Variants in LRP1B observed in about 807,000 individuals in gnomAD.
The protein encoded by LRP1B is low-density lipoprotein receptor-related protein 1B.
Under a neutral mutation model 556.6 loss-of-function variants are expected in LRP1B, and 217 were observed. The observed-to-expected ratio is 0.39, with a 90% CI of 0.35 to 0.44. LRP1B has a LOEUF of 0.44. LRP1B is among the 20% of genes least tolerant of loss of function. The pLI, the probability that LRP1B is intolerant of heterozygous loss-of-function variation, is 1.00. For synonymous variants in LRP1B, 2,047 were observed against 1,865.8 expected (o/e 1.10, Z -2.50); for missense variants, 5,053 against 5,620.8 (o/e 0.90, Z 3.23).
chr2:142,059,943 C>T (rs989493271), intron 1 of LRP1B, among the ~76,000 whole-genome samples: 7 of 151,992 alleles, frequency 4.6e-5, no homozygotes, highest in Non-Finnish European at 1.0e-4. Flanking sequence ...AATGCCTTAA[C>T]CACATTTATA....
intron 5 of LRP1B, among the ~76,000 whole-genome samples, chr2:141,246,415 T>C (rs1684071149): frequency 6.6e-6 from 1 of 152,218 alleles, no homozygotes; most frequent in Non-Finnish European, 1.5e-5. Flanking sequence ...CATTAGGCCC[T>C]TAGAGATCCT....
intron 1 of LRP1B, among the ~76,000 whole-genome samples, chr2:141,812,137 T>C (rs774049298): frequency 3.3e-5 from 5 of 152,138 alleles, no homozygotes; most frequent in Non-Finnish European, 5.9e-5. Context: ...TATTTATAAG[T>C]ATGCTTGAAT....
chr2:141,946,060 G>A (rs1257561308), intron 1 of LRP1B, among the ~76,000 whole-genome samples: 1 of 152,014 alleles, frequency 6.6e-6, no homozygotes, highest in Non-Finnish European at 1.5e-5. Flanking sequence ...CAACGAGAGA[G>A]CACGTAGGGG....
intron 7 of LRP1B, among the ~76,000 whole-genome samples, chr2:141,132,182 G>T (rs564951297): frequency 1.3e-5 from 2 of 152,094 alleles, no homozygotes; most frequent in South Asian, 4.2e-4. Context: ...CAAAACTCAT[G>T]ATGAAATTTA....
At chr2:140,359,656 T>C (rs903183031) in intron 72 of LRP1B, among the ~76,000 whole-genome samples, 4 of 151,642 alleles carry the variant, frequency 2.6e-5, no homozygotes, top group African/African-American at 4.8e-5. Context: ...TCCCCTGATG[T>C]TCTCACTCTT....
At chr2:140,802,810 ATTCAAGACCAT>A (rs1416170901) in intron 32 of LRP1B, among the ~76,000 whole-genome samples, 4 of 152,230 alleles carry the variant, frequency 2.6e-5, no homozygotes, top group Non-Finnish European at 5.9e-5. Flanking sequence ...AATCCTATAA[ATTCAAGACCAT>A]TTTTAAAAAC....
rs1374525414 is a variant in LRP1B at position 140,282,923 on chromosome 2, C to G, written c.12968-8325G>C. On this transcript the variant is annotated intron_variant, in intron 84 of 90. Transcript: ENST00000389484. ...GGGTCACTCTAAGCAAATAAGAAAC[C>G]AAAATAATAGCCGAGAAATCACAAA... is the stretch of plus-strand genomic sequence containing the variant. Among the ~76,000 whole-genome samples, 3 of 151,748 alleles carry G rather than the reference C, an allele frequency of 2.0e-5. No homozygotes were observed. The East Asian group carries it at 5.8e-4, about 30-fold the overall frequency.
At chr2:141,686,458 A>G in intron 2 of LRP1B, among the ~76,000 whole-genome samples, 1 of 152,000 alleles carries the variant, frequency 6.6e-6, no homozygotes, top group South Asian at 2.1e-4. Context: ...AATGGTTTAC[A>G]GTACATATAT....
chr2:141,326,635 C>T (rs981929834), intron 3 of LRP1B, among the ~76,000 whole-genome samples: 1 of 152,174 alleles, frequency 6.6e-6, no homozygotes, highest in East Asian at 1.9e-4. Flanking sequence ...TTGTGGGTTG[C>T]TACAATGGGC....
At chr2:140,544,067 A>G (rs1324608719) in intron 43 of LRP1B, among the ~76,000 whole-genome samples, 2 of 152,104 alleles carry the variant, frequency 1.3e-5, no homozygotes, top group African/African-American at 4.8e-5. Context: ...TGTGTCATTT[A>G]TCATCTTTAC....
intron 3 of LRP1B, among the ~76,000 whole-genome samples, chr2:141,356,767 G>T (rs1688642025): frequency 1.3e-5 from 2 of 152,038 alleles, no homozygotes; most frequent in Admixed American, 1.3e-4. Flanking sequence ...TGCAGGAAAA[G>T]TCTATGCATG....
chr2:140,396,544 G>A (rs532956678), intron 66 of LRP1B, among the ~76,000 whole-genome samples: 23 of 152,204 alleles, frequency 1.5e-4, no homozygotes, highest in African/African-American at 4.6e-4. Flanking sequence ...AACAGAGGGC[G>A]ATTATTTATC....
intron 17 of LRP1B, among the ~76,000 whole-genome samples, chr2:140,984,355 A>T (rs1157403870): frequency 1.3e-5 from 2 of 150,638 alleles, no homozygotes; most frequent in African/African-American, 4.9e-5. Flanking sequence ...TTCATTCTTT[A>T]ACTATTTCAT....
chr2:140,761,692 G>T (rs1352339945), intron 35 of LRP1B, among the ~76,000 whole-genome samples: 1 of 152,080 alleles, frequency 6.6e-6, no homozygotes, highest in Non-Finnish European at 1.5e-5. Flanking sequence ...CCTGCCAACA[G>T]CCCCATGAGC....
chr2:141,168,617 T>C (rs996942586), intron 7 of LRP1B, among the ~76,000 whole-genome samples: 12 of 152,066 alleles, frequency 7.9e-5, no homozygotes, highest in Admixed American at 4.6e-4. Context: ...TTCAAGGATG[T>C]TTTGCTCCAA....
intron 3 of LRP1B, among the ~76,000 whole-genome samples, chr2:141,464,752 A>C (rs1682115341): frequency 1.3e-5 from 2 of 151,448 alleles, no homozygotes; most frequent in African/African-American, 4.9e-5. Context: ...ACTTTTTATT[A>C]AGATCTGGTC....
At chr2:140,312,420 A>T (rs1684340982) in intron 83 of LRP1B, among the ~76,000 whole-genome samples, 1 of 152,138 alleles carries the variant, frequency 6.6e-6, no homozygotes, top group East Asian at 1.9e-4. Flanking sequence ...ACTAAATAAC[A>T]GACCTATAGC....
At chr2:141,287,262 T>C (rs1053372901) in intron 3 of LRP1B, among the ~76,000 whole-genome samples, 1 of 152,118 alleles carries the variant, frequency 6.6e-6, no homozygotes, top group African/African-American at 2.4e-5. Context: ...TCCTCTTCTC[T>C]TTATAATAGC....
intron 1 of LRP1B, among the ~76,000 whole-genome samples, chr2:141,974,752 C>G (rs1701837891): frequency 6.6e-6 from 1 of 152,056 alleles, no homozygotes; most frequent in Non-Finnish European, 1.5e-5. Flanking sequence ...GACAACTAGC[C>G]TGACAACTAC....
Sources: allele counts gnomAD v4.1 joint callset (sites outside exome capture counted in the v4.1 genomes callset), GRCh38; gene constraint gnomAD v4.1.1; transcripts MANE v1.5; gene names NCBI Gene and HGNC (gene_info 2026-07-23, HGNC 2026-07-21).